The following NLK variants were observed in gnomAD, a reference collection of about 807,000 sequenced individuals.
The protein encoded by NLK is nemo like kinase.
Under a neutral mutation model 59.0 loss-of-function variants are expected in NLK, and 11 were observed. The observed-to-expected ratio is 0.19, with a 90% confidence interval of 0.12 to 0.31. The LOEUF (loss-of-function observed/expected upper bound fraction) is 0.31. NLK is among the 10% of genes least tolerant of loss of function. The pLI is 1.00. For missense variants in NLK, 410 were observed against 661.1 expected, an observed-to-expected ratio of 0.62 and a Z score of 4.16; for synonymous variants, 235 against 235.9, an observed-to-expected ratio of 1.00 and a Z score of 0.03.
chr17:28,128,742 G>A (rs1214654757), intron 2 of NLK, among the ~76,000 whole-genome samples: 1 of 152,108 alleles, frequency 6.6e-6, no homozygotes, highest in Non-Finnish European at 1.5e-5. Flanking sequence ...TCAGAAAACT[G>A]GCAATTTGTA....
intron 2 of NLK, among the ~76,000 whole-genome samples, chr17:28,126,297 T>A (rs1906287810): frequency 6.6e-6 from 1 of 152,184 alleles, no homozygotes. Flanking sequence ...GGTCTTACCT[T>A]GCACCTACTA....
chr17:28,123,901 A>G (rs1224545045), intron 2 of NLK, among the ~76,000 whole-genome samples: 1 of 152,188 alleles, frequency 6.6e-6, no homozygotes, highest in South Asian at 2.1e-4. Context: ...TACTCAACCT[A>G]TGCTATTTTA....
chr17:28,130,161 CTAA>C (rs901302496), intron 2 of NLK, among the ~76,000 whole-genome samples: 1 of 152,092 alleles, frequency 6.6e-6, no homozygotes, highest in Non-Finnish European at 1.5e-5. Context: ...TATCTTAAGG[CTAA>C]TCTCACATAC....
intron 1 of NLK, among the ~76,000 whole-genome samples, chr17:28,060,101 A>C (rs1909580441): frequency 6.6e-6 from 1 of 152,198 alleles, no homozygotes; most frequent in Non-Finnish European, 1.5e-5. Flanking sequence ...GTCCCAGCAC[A>C]CTGGTTTATT....
At chr17:28,191,548 G>A (rs1025306416) in intron 9 of NLK, among the ~76,000 whole-genome samples, 8 of 152,074 alleles carry the variant, frequency 5.3e-5, no homozygotes, top group Non-Finnish European at 1.0e-4. Flanking sequence ...GTTCCATAAA[G>A]GATAAACATT....
chr17:28,124,721 T>A (rs1205808595), intron 2 of NLK, among the ~76,000 whole-genome samples: 1 of 152,012 alleles, frequency 6.6e-6, no homozygotes, highest in African/African-American at 2.4e-5. Flanking sequence ...AAGGTATCCA[T>A]GACGAAAAAA....
At chr17:28,166,060 C>A (rs1430337687) in intron 5 of NLK, among the ~76,000 whole-genome samples, 2 of 152,084 alleles carry the variant, frequency 1.3e-5, no homozygotes, top group Admixed American at 1.3e-4. Context: ...ACTAAAAATA[C>A]AAAAATTAGC....
intron 8 of NLK, among the ~76,000 whole-genome samples, chr17:28,186,562 T>C (rs748914851): frequency 1.5e-4 from 23 of 152,202 alleles, no homozygotes; most frequent in Non-Finnish European, 2.5e-4. Flanking sequence ...AACCTTAAAG[T>C]TCCACATGGC....
intron 5 of NLK, among the ~76,000 whole-genome samples, chr17:28,166,971 ATATT>A (rs1377084434): frequency 6.6e-6 from 1 of 152,226 alleles, no homozygotes; most frequent in Non-Finnish European, 1.5e-5. Flanking sequence ...GCATTTTAAC[ATATT>A]TATACATTTG....
chr17:28,139,834 T>C (rs1906911964), intron 3 of NLK, among the ~76,000 whole-genome samples: 1 of 152,164 alleles, frequency 6.6e-6, no homozygotes, highest in Admixed American at 6.6e-5. Flanking sequence ...TGCTGCCTCT[T>C]AATGCTTTCC....
chr17:28,139,059 C>G (rs1179968332), intron 3 of NLK, among the ~76,000 whole-genome samples: 1 of 152,194 alleles, frequency 6.6e-6, no homozygotes, highest in Non-Finnish European at 1.5e-5. Flanking sequence ...AGCTCGAGAC[C>G]TGTCTGGCCA....
chr17:28,173,494 A>G (rs1597722342), intron 7 of NLK, among the ~76,000 whole-genome samples: 1 of 152,108 alleles, frequency 6.6e-6, no homozygotes, highest in Non-Finnish European at 1.5e-5. Context: ...CTCTCTTTGT[A>G]ATTCTAGTGT....
At chr17:28,145,272 T>C (rs905833593) in intron 3 of NLK, among the ~76,000 whole-genome samples, 19 of 152,184 alleles carry the variant, frequency 1.2e-4, no homozygotes, top group Non-Finnish European at 2.5e-4. Context: ...TAATCAGTTA[T>C]AGAATATTAA....
At chr17:28,070,617 C>G (rs1425726061) in intron 1 of NLK, among the ~76,000 whole-genome samples, 1 of 151,892 alleles carries the variant, frequency 6.6e-6, no homozygotes, top group Non-Finnish European at 1.5e-5. Flanking sequence ...TCCCAAAGTG[C>G]TGGGATTACA....
chr17:28,103,885 ACTCT>A (rs1294313011), intron 1 of NLK, among the ~76,000 whole-genome samples: 1 of 152,132 alleles, frequency 6.6e-6, no homozygotes, highest in African/African-American at 2.4e-5. Context: ...GTATACACTC[ACTCT>A]ATTTCTGTTG....
At chr17:28,110,687 T>C (rs933674470) in intron 1 of NLK, among the ~76,000 whole-genome samples, 3 of 152,178 alleles carry the variant, frequency 2.0e-5, no homozygotes, top group Admixed American at 6.5e-5. Flanking sequence ...TTTTTCAAAC[T>C]TTTTTCTTCG....
At position 28,134,222 on chromosome 17, in the gene NLK, G is replaced by T. The variant is rs762414286; in HGVS notation, c.644+1547G>T. On this transcript the variant is annotated intron_variant, in intron 3 of 10. Coordinates refer to ENST00000407008, the MANE Select transcript of NLK (RefSeq NM_016231.5). ...AGACCAGCCTGGGCAACATAGCAAG[G>T]CCTCGTCTCTACCAAAAATACAAAA... Among the ~76,000 whole-genome samples the T allele has an allele frequency of 1.3e-5, 2 of 151,922 alleles. 1 individual carries two copies. The highest frequency in any genetic ancestry group is 1.3e-4 in the Admixed American group (2 of 15,252).
intron 1 of NLK, among the ~76,000 whole-genome samples, chr17:28,097,168 T>C (rs551583687): frequency 2.0e-5 from 3 of 152,322 alleles, no homozygotes; most frequent in Non-Finnish European, 4.4e-5. Flanking sequence ...ATGCATATTA[T>C]AAGTTATTTT....
At chr17:28,069,721 ATGAT>A (rs1909945411) in intron 1 of NLK, among the ~76,000 whole-genome samples, 1 of 151,940 alleles carries the variant, frequency 6.6e-6, no homozygotes, top group Non-Finnish European at 1.5e-5. Flanking sequence ...ACCCATTTAA[ATGAT>A]TGGTTTGTCA....
Sources: gnomAD v4.1 joint callset for allele counts (sites outside exome capture counted in the v4.1 genomes callset) on GRCh38, gnomAD v4.1.1 for gene constraint, MANE v1.5 for transcripts, NCBI Gene and HGNC (gene_info 2026-07-23, HGNC 2026-07-21) for gene names.